Variants in DOCK1 observed in about 807,000 individuals in gnomAD.
The protein encoded by DOCK1 is dedicator of cytokinesis protein 1.
Under a neutral mutation model 262.7 loss-of-function variants are expected in DOCK1, and 138 were observed. The ratio of observed to expected loss-of-function variants is 0.53; its 90% CI spans 0.46 to 0.61. The LOEUF (loss-of-function observed/expected upper bound fraction) is 0.61. DOCK1 is among the 20% of genes least tolerant of loss of function. The probability of loss-of-function intolerance (pLI) is 0.00; values close to 1 mark genes in which losing one functional copy is unlikely to be tolerated. For synonymous variants in DOCK1, 866 were observed against 867.4 expected (o/e 1.00, Z 0.03); for missense variants, 1,908 against 2,370.7 (o/e 0.80, Z 4.05).
chr10:127,311,569 A>G (rs1408331527), intron 29 of DOCK1, among the ~76,000 whole-genome samples: 2 of 152,224 alleles, frequency 1.3e-5, no homozygotes, highest in African/African-American at 4.8e-5. Context: ...TAAGCATTCC[A>G]AAATCCCCGC....
rs750244205 is a variant in DOCK1, at chr10:127,410,833, T to C, written c.4344-7T>C. Reference sequence around the variant, plus strand: ...AAATATCTAATGATCTGTCTGTCTCTGTACAGTTTTTACAGGGTGAACGAG... The same window carrying C: ...AAATATCTAATGATCTGTCTGTCTCCGTACAGTTTTTACAGGGTGAACGAG... On this transcript the variant is annotated splice_region_variant and splice_polypyrimidine_tract_variant and intron_variant, in intron 42 of 51. Transcript: ENST00000623213. 4 of 1,613,544 alleles carry C rather than the reference T, an allele frequency of 2.5e-6. No individual in the cohort carries two copies. The highest frequency in any genetic ancestry group is 1.1e-5 in the South Asian group (1 of 90,788).
chr10:127,005,001 T>C (rs776293899), intron 10 of DOCK1, among the ~76,000 whole-genome samples: 12 of 151,882 alleles, frequency 7.9e-5, no homozygotes, highest in Non-Finnish European at 1.3e-4. Context: ...GCTTCTAACT[T>C]ATTCAGTGTG....
intron 31 of DOCK1, among the ~76,000 whole-genome samples, chr10:127,348,167 A>G (rs184364190): frequency 1.7e-4 from 26 of 151,958 alleles, no homozygotes; most frequent in Admixed American, 1.2e-3. Context: ...AATAACCCCT[A>G]GGAATCAAGT....
At chr10:127,281,265 A>G (rs1336596835) in intron 29 of DOCK1, among the ~76,000 whole-genome samples, 1 of 152,250 alleles carries the variant, frequency 6.6e-6, no homozygotes, top group African/African-American at 2.4e-5. Context: ...AGTTAGCAAG[A>G]AAGAAGGATT....
At chr10:127,122,382 C>T (rs2049650084) in intron 25 of DOCK1, among the ~76,000 whole-genome samples, 1 of 152,144 alleles carries the variant, frequency 6.6e-6, no homozygotes, top group Admixed American at 6.5e-5. Flanking sequence ...TGGTCCTCCT[C>T]AGTGACCTGG....
At chr10:127,068,615 A>G (rs1045927057) in intron 23 of DOCK1, among the ~76,000 whole-genome samples, 1 of 152,242 alleles carries the variant, frequency 6.6e-6, no homozygotes, top group African/African-American at 2.4e-5. Context: ...ATTAAGAAAA[A>G]TAAGAATCAT....
At chr10:127,173,890 A>G (rs1041718326) in intron 27 of DOCK1, among the ~76,000 whole-genome samples, 1 of 152,180 alleles carries the variant, frequency 6.6e-6, no homozygotes, top group African/African-American at 2.4e-5. Flanking sequence ...ATTTTTGTAC[A>G]TTTGGCTGGC....
intron 6 of DOCK1, among the ~76,000 whole-genome samples, chr10:126,992,737 GACAC>G (rs34596370): frequency 0.018 from 2,410 of 133,404 alleles, 61 homozygotes; most frequent in African/African-American, 0.065. Context: ...CCCCAACACA[GACAC>G]ACACACACAC....
chr10:127,135,013 T>C (rs1459101749), intron 27 of DOCK1, among the ~76,000 whole-genome samples: 2 of 152,274 alleles, frequency 1.3e-5, no homozygotes, highest in East Asian at 1.9e-4. Flanking sequence ...GCTGGGGATG[T>C]GCTCAATGGA....
At chr10:127,410,706 G>C (rs1328211108) in intron 42 of DOCK1, 134 bp from the exon 43 acceptor site, 8 of 714,072 alleles carry the variant, frequency 1.1e-5, no homozygotes, top group Non-Finnish European at 1.8e-5. Flanking sequence ...AGGACACCAA[G>C]GCGATGGCTT....
At chr10:127,347,056 C>G (rs1267024935) in intron 31 of DOCK1, among the ~76,000 whole-genome samples, 1 of 152,214 alleles carries the variant, frequency 6.6e-6, no homozygotes, top group African/African-American at 2.4e-5. Context: ...AGTCTTCATG[C>G]CACTTGATAA....
At chr10:127,260,964 T>C in intron 29 of DOCK1, among the ~76,000 whole-genome samples, 1 of 92,334 alleles carries the variant, frequency 1.1e-5, no homozygotes, top group Non-Finnish European at 2.4e-5. Context: ...TGTGTGTGCA[T>C]GTGGGTGTGT....
At chr10:127,384,184 T>C (rs1590813180) in intron 37 of DOCK1, among the ~76,000 whole-genome samples, 1 of 152,334 alleles carries the variant, frequency 6.6e-6, no homozygotes, top group Non-Finnish European at 1.5e-5. Flanking sequence ...ACACGTTGTA[T>C]CTGTTAAGTG....
intron 29 of DOCK1, among the ~76,000 whole-genome samples, chr10:127,280,092 C>G (rs1332496120): frequency 7.0e-6 from 1 of 142,014 alleles, no homozygotes; most frequent in African/African-American, 2.6e-5. Context: ...TGGAGTGCAG[C>G]GGCGCGATCT....
intron 13 of DOCK1, among the ~76,000 whole-genome samples, chr10:127,019,979 C>T (rs2042298011): frequency 6.6e-6 from 1 of 152,164 alleles, no homozygotes. Context: ...GCTTTGCTTA[C>T]TTTAGTGCAA....
chr10:127,410,490 A>C (rs2067779643), intron 42 of DOCK1, among the ~76,000 whole-genome samples: 1 of 152,198 alleles, frequency 6.6e-6, no homozygotes, highest in Admixed American at 6.5e-5. Context: ...TCTGAAACTA[A>C]GGTATGTAAT....
intron 29 of DOCK1, among the ~76,000 whole-genome samples, chr10:127,274,937 C>T (rs1213304100): frequency 1.3e-5 from 2 of 152,296 alleles, no homozygotes; most frequent in African/African-American, 4.8e-5. Flanking sequence ...TCCCAAGAAT[C>T]AATTTCACCC....
intron 16 of DOCK1, among the ~76,000 whole-genome samples, chr10:127,028,971 C>T (rs2043060716): frequency 6.6e-6 from 1 of 152,196 alleles, no homozygotes. Context: ...CCACAGAGGA[C>T]TCGTCTCAAA....
intron 27 of DOCK1, among the ~76,000 whole-genome samples, chr10:127,227,048 G>A (rs182611241): frequency 2.0e-5 from 3 of 152,312 alleles, no homozygotes; most frequent in Non-Finnish European, 1.5e-5. Context: ...CCTATAGCAA[G>A]TGACAATGCT....
Sources: gnomAD v4.1 joint callset for allele counts (sites outside exome capture counted in the v4.1 genomes callset) on GRCh38, gnomAD v4.1.1 for gene constraint, MANE v1.5 for transcripts, NCBI Gene and HGNC (gene_info 2026-07-23, HGNC 2026-07-21) for gene names.